The following CNBD1 variants were observed in gnomAD, a reference collection of about 807,000 sequenced individuals.
CNBD1 encodes the protein cyclic nucleotide binding domain containing 1.
A neutral mutation model predicts 54.4 loss-of-function variants in CNBD1; 71 were observed. The ratio of observed to expected loss-of-function variants is 1.30; its 90% CI spans 1.08 to 1.59. The LOEUF is 1.59. CNBD1 is among the 40% of genes most tolerant of loss of function. The pLI, the probability that CNBD1 is intolerant of heterozygous loss-of-function variation, is 0.00. For missense variants in CNBD1, 659 were observed against 518.0 expected (o/e 1.27, Z -2.64); for synonymous variants, 182 against 170.7 (o/e 1.07, Z -0.51).
chr8:87,310,735 A>G lies in CNBD1; in HGVS notation c.1042+24064A>G, dbSNP rs978941020. 5.3e-5 allele frequency among the ~76,000 whole-genome samples: 8 copies of G among 152,186 alleles called. No homozygotes were observed. The East Asian group carries it at 1.2e-3, about 22-fold the overall frequency. On this transcript the variant is annotated intron_variant, in intron 8 of 10. Coordinates refer to ENST00000518476, the MANE Select transcript of CNBD1 (RefSeq NM_173538.3). ...ATCACATGACCAGACTTCAAACTGT[A>G]CTATAAGGCTACAGTAACCAAAACA...
intron 4 of CNBD1, among the ~76,000 whole-genome samples, chr8:87,027,372 A>T (rs1214229453): frequency 6.6e-6 from 1 of 152,090 alleles, no homozygotes; most frequent in African/African-American, 2.4e-5. Flanking sequence ...CCTGGGTTCA[A>T]GTGATTTTCC....
intron 4 of CNBD1, among the ~76,000 whole-genome samples, chr8:86,942,783 T>C (rs1378229282): frequency 6.6e-6 from 1 of 152,214 alleles, no homozygotes; most frequent in African/African-American, 2.4e-5. Context: ...GTTCCCTTAG[T>C]CACATTTAGT....
chr8:87,319,403 A>G (rs1315005903), intron 8 of CNBD1, among the ~76,000 whole-genome samples: 1 of 152,106 alleles, frequency 6.6e-6, no homozygotes, highest in African/African-American at 2.4e-5. Context: ...ACCAACAGGT[A>G]ATGAATACAA....
Position 87,066,201 on chromosome 8 carries a change from T to C in CNBD1, c.431+126447T>C, listed in dbSNP as rs1810650296. Among the ~76,000 whole-genome samples the C allele has an allele frequency of 2.6e-5, 4 of 152,056 alleles. No homozygotes were observed. The South Asian group carries it at 8.3e-4, about 32-fold the overall frequency. Reference sequence around the variant, plus strand: ...TAAAAAATTAAGCTATCCTGAACATTGGAAGGTTTATGTGAGACAACTAGT... The same window carrying C: ...TAAAAAATTAAGCTATCCTGAACATCGGAAGGTTTATGTGAGACAACTAGT... On this transcript the variant is annotated intron_variant, in intron 4 of 10. Coordinates refer to ENST00000518476, the MANE Select transcript of CNBD1 (RefSeq NM_173538.3).
chr8:86,956,997 A>ATGT (rs1435123284), intron 4 of CNBD1, among the ~76,000 whole-genome samples: 11 of 152,198 alleles, frequency 7.2e-5, no homozygotes, highest in African/African-American at 2.7e-4. Context: ...ATTTTGAGAT[A>ATGT]TGTCCCATCA....
chr8:87,072,425 T>A (rs955352863), intron 4 of CNBD1, among the ~76,000 whole-genome samples: 4 of 152,180 alleles, frequency 2.6e-5, no homozygotes, highest in African/African-American at 9.7e-5. Context: ...TTGTTTATTG[T>A]TTTTTGTAGT....
At chr8:87,335,858 A>G (rs539750133) in intron 8 of CNBD1, among the ~76,000 whole-genome samples, 1 of 152,148 alleles carries the variant, frequency 6.6e-6, no homozygotes, top group Admixed American at 6.5e-5. Flanking sequence ...TTTCCTTTCC[A>G]TATTTAGTGC....
chr8:86,988,056 T>G lies in CNBD1; in HGVS notation c.431+48302T>G, dbSNP rs1808649246. Among the ~76,000 whole-genome samples the G allele has an allele frequency of 2.0e-5, 3 of 152,144 alleles. No homozygotes were observed. In the South Asian group the frequency reaches 6.2e-4, roughly 32 times the overall value. The stretch of plus-strand genomic sequence containing the variant: ...CTCTCCTTCATTTTTTGTAACAGTC[T>G]CAGGAGGATTGGTACCATTTCTTCT... On this transcript the variant is annotated intron_variant, in intron 4 of 10. Coordinates refer to ENST00000518476, the MANE Select transcript of CNBD1 (RefSeq NM_173538.3).
intron 2 of CNBD1, among the ~76,000 whole-genome samples, chr8:87,421,582 A>C (rs1258880381): frequency 6.6e-6 from 1 of 152,012 alleles, no homozygotes; most frequent in Non-Finnish European, 1.5e-5. Flanking sequence ...GATTTCATCC[A>C]TGTCCCTACA....
At chr8:87,110,268 G>A (rs565155389) in intron 4 of CNBD1, among the ~76,000 whole-genome samples, 2 of 152,170 alleles carry the variant, frequency 1.3e-5, no homozygotes, top group African/African-American at 4.8e-5. Flanking sequence ...TGTCCTATTG[G>A]GGCCTGCAAA....
At chr8:87,277,916 A>G (rs1808517241) in intron 6 of CNBD1, among the ~76,000 whole-genome samples, 1 of 151,754 alleles carries the variant, frequency 6.6e-6, no homozygotes, top group Non-Finnish European at 1.5e-5. Context: ...GGTAATTTAG[A>G]TATTGGAGTT....
At chr8:87,105,691 C>T (rs925701341) in intron 4 of CNBD1, among the ~76,000 whole-genome samples, 2 of 152,048 alleles carry the variant, frequency 1.3e-5, no homozygotes, top group African/African-American at 2.4e-5. Flanking sequence ...CTTCATTCTA[C>T]AGATTATATA....
At chr8:87,355,453 C>T (rs1303316195) in intron 10 of CNBD1, among the ~76,000 whole-genome samples, 1 of 152,036 alleles carries the variant, frequency 6.6e-6, no homozygotes, top group East Asian at 1.9e-4. Flanking sequence ...AAGACTTTAT[C>T]TAAAATTTTA....
At chr8:87,371,568 C>T (rs1342407965) in intron 10 of CNBD1, among the ~76,000 whole-genome samples, 1 of 151,978 alleles carries the variant, frequency 6.6e-6, no homozygotes, top group Non-Finnish European at 1.5e-5. Flanking sequence ...CCTTGATTAA[C>T]ATTGATGCAG....
chr8:87,167,828 G>C (rs1242886137), intron 4 of CNBD1, among the ~76,000 whole-genome samples: 1 of 151,832 alleles, frequency 6.6e-6, no homozygotes, highest in Non-Finnish European at 1.5e-5. Context: ...TGAATTATTA[G>C]GTGCATTTTT....
At chr8:87,423,173 G>T (rs1807976082) in intron 2 of CNBD1, among the ~76,000 whole-genome samples, 3 of 152,118 alleles carry the variant, frequency 2.0e-5, no homozygotes, top group Admixed American at 6.5e-5. Context: ...AGGAGATTTT[G>T]GGCTGAGACG....
At chr8:87,305,942 A>T (rs913508739) in intron 8 of CNBD1, among the ~76,000 whole-genome samples, 1 of 152,226 alleles carries the variant, frequency 6.6e-6, no homozygotes, top group African/African-American at 2.4e-5. Context: ...GCACAGCAAA[A>T]GGAACAGTCA....
intron 4 of CNBD1, among the ~76,000 whole-genome samples, chr8:87,066,440 C>T (rs1810656103): frequency 6.6e-6 from 1 of 151,862 alleles, no homozygotes; most frequent in African/African-American, 2.4e-5. Context: ...TTGAAGTTTC[C>T]CTTTTCAGTG....
At chr8:87,054,919 C>T (rs1359949457) in intron 4 of CNBD1, among the ~76,000 whole-genome samples, 1 of 152,164 alleles carries the variant, frequency 6.6e-6, no homozygotes, top group Non-Finnish European at 1.5e-5. Flanking sequence ...TGGAAGTTAC[C>T]CTATTGGCTT....
Sources: gnomAD v4.1 joint callset for allele counts (sites outside exome capture counted in the v4.1 genomes callset) on GRCh38, gnomAD v4.1.1 for gene constraint, MANE v1.5 for transcripts, NCBI Gene and HGNC (gene_info 2026-07-23, HGNC 2026-07-21) for gene names.